The following POLN variants were observed in gnomAD, a reference collection of about 807,000 sequenced individuals.
POLN encodes DNA polymerase N.
In POLN, 108 loss-of-function variants were observed where a neutral mutation model predicts 113.5. The observed-to-expected ratio is 0.95, with a 90% CI of 0.81 to 1.12. The LOEUF (loss-of-function observed/expected upper bound fraction) is 1.12, where lower values mean the gene tolerates loss of function less well. POLN is among the 50% of genes most tolerant of loss of function. The pLI is 0.00. For synonymous variants in POLN, 386 were observed against 391.5 expected (o/e 0.99, Z 0.17); for missense variants, 1,097 against 1,077.1 (o/e 1.02, Z -0.26).
intron 16 of POLN, 152 bp downstream of exon 16, chr4:2,156,636 G>T: frequency 1.4e-6 from 1 of 698,540 alleles, no homozygotes; most frequent in South Asian, 1.6e-5. Flanking sequence ...CTCCTGCTAT[G>T]TTCTCAGAAT....
At chr4:2,080,250 G>C (rs1404626796) in intron 23 of POLN, 1 of 988,006 alleles carries the variant, frequency 1.0e-6, no homozygotes, top group Non-Finnish European at 1.2e-6. Context: ...GAGGTGGCTG[G>C]GCGAGGGCTG....
chr4:2,091,761 CTGTGTGTGTGTGTGTGTGTG>C (rs765518897), intron 20 of POLN, among the ~76,000 whole-genome samples: 7,486 of 145,206 alleles, frequency 0.052, 678 homozygotes, highest in African/African-American at 0.18. Context: ...ACACGTGAAT[CTGTGTGTGTGTGTGTGTGTG>C]TGTGTGTGTG....
chr4:2,227,226 T>G (rs1049063826), intron 3 of POLN, among the ~76,000 whole-genome samples: 2 of 152,234 alleles, frequency 1.3e-5, no homozygotes, highest in African/African-American at 4.8e-5. Flanking sequence ...GAGGATCACA[T>G]GACAGGAACT....
intron 13 of POLN, among the ~76,000 whole-genome samples, chr4:2,159,896 GAT>G (rs1388829901): frequency 7.1e-6 from 1 of 140,888 alleles, no homozygotes; most frequent in Non-Finnish European, 1.5e-5. Context: ...ACCTTTGATG[GAT>G]ATGTGTTTTT....
chr4:2,177,182 C>T, intron 8 of POLN: 2 of 344,180 alleles, frequency 5.8e-6, no homozygotes, highest in Non-Finnish European at 5.9e-6. Flanking sequence ...CACCCCAAAA[C>T]TGACCATGTG....
At chr4:2,187,656 C>A (rs753540329) in intron 7 of POLN, among the ~76,000 whole-genome samples, 1 of 152,118 alleles carries the variant, frequency 6.6e-6, no homozygotes, top group East Asian at 1.9e-4. Context: ...CTATATTACA[C>A]TACACATATA....
chr4:2,199,326 A>G (rs2108759809), intron 5 of POLN, among the ~76,000 whole-genome samples: 1 of 152,288 alleles, frequency 6.6e-6, no homozygotes, highest in African/African-American at 2.4e-5. Flanking sequence ...GGATTTAAAA[A>G]CTCAACATAA....
intron 6 of POLN, among the ~76,000 whole-genome samples, chr4:2,197,602 G>A (rs919103180): frequency 6.6e-6 from 1 of 152,172 alleles, no homozygotes; most frequent in African/African-American, 2.4e-5. Flanking sequence ...AGATATTAGG[G>A]CTCTGTCCTC....
At chr4:2,084,303 C>T (rs569503189) in intron 21 of POLN, among the ~76,000 whole-genome samples, 24 of 152,380 alleles carry the variant, frequency 1.6e-4, no homozygotes, top group Admixed American at 1.4e-3. Context: ...GGCCCACCTG[C>T]CCATGCTGGC....
chr4:2,162,252 C>A (rs1732615301), intron 13 of POLN, among the ~76,000 whole-genome samples: 2 of 152,132 alleles, frequency 1.3e-5, no homozygotes, highest in South Asian at 4.1e-4. Context: ...CTGAAGCCAG[C>A]AAGACCACCA....
At chr4:2,175,122 C>T (rs961711492) in intron 9 of POLN, among the ~76,000 whole-genome samples, 10 of 152,164 alleles carry the variant, frequency 6.6e-5, no homozygotes, top group Non-Finnish European at 1.3e-4. Context: ...CCGCACCCAA[C>T]CAAAAAGCCT....
chr4:2,156,829 G>A lies in POLN; in HGVS notation c.1690C>T (p.Gln564Ter), dbSNP rs374664781. Residue 564 changes from glutamine to a stop codon, truncating the protein, a stop_gained, in exon 16 of 26, where the codon CAG (glutamine) becomes TAG (stop). Coordinates refer to ENST00000511885, the MANE Select transcript of POLN (RefSeq NM_181808.4). LOFTEE classifies it high-confidence loss of function. Reference protein sequence around the residue: ...KKGSISSTWNQTGTVTGRLSA... With the variant: ...KKGSISSTWN ...AGTCTTCCAGTCACAGTTCCAGTCTGATTCCATGTAGAGGAAATGGAGCCC... is the reference window on the plus strand; with the variant it reads ...AGTCTTCCAGTCACAGTTCCAGTCTAATTCCATGTAGAGGAAATGGAGCCC... The A allele has an allele frequency of 6.2e-7, 1 of 1,612,932 alleles. No individual in the cohort carries two copies. Among genetic ancestry groups the A allele is most frequent in the African/African-American group, 1.3e-5 (1 of 75,030 alleles).
At chr4:2,156,966 C>G in intron 15 of POLN, 113 bp from the exon 16 acceptor site, 1 of 848,136 alleles carries the variant, frequency 1.2e-6, no homozygotes, top group Non-Finnish European at 1.9e-6. Flanking sequence ...CAGAGGCCAA[C>G]AAGCTGCTGG....
chr4:2,128,269 A>C (rs200213265), intron 18 of POLN, 42 bp from the exon 19 acceptor site: 18 of 1,360,590 alleles, frequency 1.3e-5, no homozygotes, highest in Non-Finnish European at 1.8e-5. Context: ...TTTGCCAGCA[A>C]TGTTCCTCGT....
intron 7 of POLN, among the ~76,000 whole-genome samples, chr4:2,191,745 T>C (rs1023644259): frequency 9.9e-5 from 15 of 152,166 alleles, no homozygotes; most frequent in Non-Finnish European, 2.2e-4. Context: ...GTCATACAAT[T>C]GAAATATTTA....
intron 11 of POLN, among the ~76,000 whole-genome samples, chr4:2,171,757 T>C (rs1351779675): frequency 7.2e-5 from 11 of 152,184 alleles, no homozygotes; most frequent in Non-Finnish European, 2.9e-5. Context: ...CTGGGCAACA[T>C]AGTGAGACCT....
chr4:2,177,312 T>C, intron 8 of POLN: 1 of 484,246 alleles, frequency 2.1e-6, no homozygotes, highest in Middle Eastern at 3.2e-4. Context: ...CAGGTTGGTC[T>C]TGCTGTCCTC....
chr4:2,130,955 T>C (rs969603236), intron 17 of POLN, among the ~76,000 whole-genome samples: 1 of 152,160 alleles, frequency 6.6e-6, no homozygotes, highest in African/African-American at 2.4e-5. Context: ...GGTGGGAGGA[T>C]CACTTGCGCC....
chr4:2,073,736 A>C (rs1322388036), intron 24 of POLN, among the ~76,000 whole-genome samples: 1 of 152,218 alleles, frequency 6.6e-6, no homozygotes, highest in East Asian at 1.9e-4. Flanking sequence ...ACTGCAATGC[A>C]AAGATGGCGG....
Sources: gnomAD v4.1 joint callset for allele counts (sites outside exome capture counted in the v4.1 genomes callset) on GRCh38, gnomAD v4.1.1 for gene constraint, MANE v1.5 for transcripts, NCBI Gene and HGNC (gene_info 2026-07-23, HGNC 2026-07-21) for gene names.